The following TSHZ1 variants were observed in gnomAD, a reference collection of about 807,000 sequenced individuals.
The protein encoded by TSHZ1 is teashirt homolog 1.
Under a neutral mutation model 67.1 loss-of-function variants are expected in TSHZ1, and 12 were observed. The ratio of observed to expected loss-of-function variants is 0.18; its 90% CI spans 0.11 to 0.29. The LOEUF is 0.29. Ranked by LOEUF, TSHZ1 falls within the 10% of genes least tolerant of loss-of-function variation. TSHZ1 has a pLI of 1.00. For synonymous variants in TSHZ1, 632 were observed against 622.4 expected (o/e 1.02, Z -0.23); for missense variants, 1,305 against 1,413.9 (o/e 0.92, Z 1.23).
At chr18:75,241,110 A>G (rs2023150570) in intron 1 of TSHZ1, among the ~76,000 whole-genome samples, 1 of 152,282 alleles carries the variant, frequency 6.6e-6, no homozygotes, top group South Asian at 2.1e-4. Flanking sequence ...ATCATCAGTC[A>G]CAGGTATTTA....
intron 1 of TSHZ1, among the ~76,000 whole-genome samples, chr18:75,268,555 C>T (rs1055563290): frequency 6.6e-6 from 1 of 152,180 alleles, no homozygotes; most frequent in South Asian, 2.1e-4. Flanking sequence ...GCAGCTTCCC[C>T]GTGTCGGCTA....
At chr18:75,250,495 G>A (rs950835859) in intron 1 of TSHZ1, among the ~76,000 whole-genome samples, 1 of 152,206 alleles carries the variant, frequency 6.6e-6, no homozygotes, top group African/African-American at 2.4e-5. Context: ...TCCCCGCGTG[G>A]ACGTGGACGG....
chr18:75,288,176 G>T lies in TSHZ1; in HGVS notation c.2769G>T (p.Pro923=), dbSNP rs35073557. The T allele has an allele frequency of 1.2e-6, 2 of 1,614,042 alleles. No individual in the cohort carries two copies. Among genetic ancestry groups the T allele is most frequent in the East Asian group, 2.2e-5 (1 of 44,894 alleles). ...AGTACATCATGTCGGACTTGGGCCC[G>T]CAGGAGAGGGTGCACATCTCGAAGT... ...EGKYIMSDLG[P]QERVHISKFT... The change falls in exon 2 of 2, where the codon CCG becomes CCT. Residue 923 remains proline, a synonymous_variant. Transcript: ENST00000580243. The surrounding 1 kb of genome is among the most constrained non-coding windows in gnomAD (Gnocchi z 4.9).
rs2581653 is a variant in TSHZ1 at position 75,215,021 on chromosome 18, C to A, written c.40+3105C>A. 6.8e-3 allele frequency among the ~76,000 whole-genome samples: 1,028 copies of A among 152,062 alleles called. 12 individuals carry two copies. The highest frequency in any genetic ancestry group is 0.02 in the African/African-American group (849 of 41,456). On this transcript the variant is annotated intron_variant, in intron 1 of 1. Transcript: ENST00000580243. ...TTTGCTACCTGACTAATCATGTCAC[C>A]GAGACAATGCTGCTTAATGACCTCC...
At chr18:75,257,011 G>A (rs1409323376) in intron 1 of TSHZ1, among the ~76,000 whole-genome samples, 1 of 152,130 alleles carries the variant, frequency 6.6e-6, no homozygotes, top group Non-Finnish European at 1.5e-5. Context: ...TGTATTGCCT[G>A]TTTATCAAAA....
In TSHZ1 at chr18:75,211,837, C is replaced by G; in HGVS notation, c.-40C>G. On this transcript the variant is annotated 5_prime_UTR_variant, in exon 1 of 2. Coordinates refer to ENST00000580243, the MANE Select transcript of TSHZ1 (RefSeq NM_001308210.2). ...CCCGCGTCCCCGCGCCCCGCGAACT[C>G]CGGCGGCGGCTGAGGCGACGGCTGC... The G allele has an allele frequency of 8.9e-7, 1 of 1,129,524 alleles. No homozygotes were observed. The highest frequency in any genetic ancestry group is 4.6e-5 in the East Asian group (1 of 21,836). 70.0% of individuals were successfully genotyped at this position (1,129,524 alleles called of 1,614,324 possible). A position where few individuals can be genotyped will look rare whatever the true frequency, so the allele number is the denominator to read the frequency against.
At chr18:75,250,946 C>T (rs2023295605) in intron 1 of TSHZ1, among the ~76,000 whole-genome samples, 2 of 152,196 alleles carry the variant, frequency 1.3e-5, no homozygotes, top group South Asian at 4.1e-4. Context: ...TGTACCAGCC[C>T]CGGGCGTGTT....
intron 1 of TSHZ1, among the ~76,000 whole-genome samples, chr18:75,272,088 A>T (rs1318710992): frequency 6.6e-6 from 1 of 152,230 alleles, no homozygotes; most frequent in African/African-American, 2.4e-5. Flanking sequence ...ATGAAAATGA[A>T]CATTTCAATG....
At chr18:75,284,304 G>A (rs2023722925) in intron 1 of TSHZ1, 1 of 152,648 alleles carries the variant, frequency 6.6e-6, no homozygotes, top group African/African-American at 2.4e-5. Context: ...GGGAAACGCT[G>A]CCTTCAGCCC....
At chr18:75,240,635 T>C (rs532424757) in intron 1 of TSHZ1, among the ~76,000 whole-genome samples, 2 of 152,290 alleles carry the variant, frequency 1.3e-5, no homozygotes, top group South Asian at 4.1e-4. Flanking sequence ...AGTTCCTGTT[T>C]TGACATTGTG....
rs11877534 is a variant in TSHZ1, at chr18:75,280,273, T to G, written c.41-5175T>G. Among the ~76,000 whole-genome samples, 1,462 of 152,344 alleles carry G rather than the reference T, an allele frequency of 9.6e-3. 10 individuals carry two copies. The highest frequency in any genetic ancestry group is 0.024 in the Middle Eastern group (7 of 294). ...AAGGGACATCTTTGTGCATGAAGCT[T>G]TTTCTGCATTTCATATTAACTTCTT... is the stretch of plus-strand genomic sequence containing the variant. On this transcript the variant is annotated intron_variant, in intron 1 of 1. Coordinates refer to ENST00000580243, the MANE Select transcript of TSHZ1 (RefSeq NM_001308210.2).
Position 75,285,876 on chromosome 18 carries a change from A to ACCCCCCC in TSHZ1, c.474_475insCCCCCCC (p.Thr159ProfsTer63). Reference sequence around the variant, plus strand: ...CAGCCAGAAGGAGAGCTCCGCCCCCACCCCCACACCCCCCACCTGCCCCGT... The same window carrying ACCCCCCC: ...CAGCCAGAAGGAGAGCTCCGCCCCCACCCCCCCCCCCCACACCCCCCACCTGCCCCGT... On this transcript the variant is annotated frameshift_variant, in exon 2 of 2. Coordinates refer to ENST00000580243, the MANE Select transcript of TSHZ1 (RefSeq NM_001308210.2). LOFTEE classifies it high-confidence loss of function. 3 of 496,200 alleles carry ACCCCCCC rather than the reference A, an allele frequency of 6.0e-6. No homozygotes were observed. Among genetic ancestry groups the ACCCCCCC allele is most frequent in the Non-Finnish European group, 8.2e-6 (3 of 363,842 alleles). The allele number at this position is 496,200 out of a possible 1,614,324, so 30.7% of individuals were successfully genotyped here. A position where few individuals can be genotyped will look rare whatever the true frequency, so the allele number is the denominator to read the frequency against.
intron 1 of TSHZ1, among the ~76,000 whole-genome samples, chr18:75,229,702 G>A (rs1029914869): frequency 2.6e-5 from 4 of 152,248 alleles, no homozygotes; most frequent in Admixed American, 1.3e-4. Flanking sequence ...GATAGTAGGT[G>A]AAAGAAGAAA....
intron 1 of TSHZ1, among the ~76,000 whole-genome samples, chr18:75,235,193 G>A (rs1039130047): frequency 5.9e-5 from 9 of 152,112 alleles, no homozygotes; most frequent in African/African-American, 2.4e-5. Context: ...GAACCAAGGC[G>A]GGGATGTAAA....
At chr18:75,283,320 T>G (rs1421711503) in intron 1 of TSHZ1, 4 of 152,302 alleles carry the variant, frequency 2.6e-5, no homozygotes, top group Non-Finnish European at 1.5e-5. Flanking sequence ...GTGGGGTCCC[T>G]GGGTCCTAGC....
In TSHZ1 at chr18:75,286,502, T is replaced by A. The variant is rs111523784; in HGVS notation, c.1095T>A (p.Pro365=). The change falls in exon 2 of 2, where the codon CCT becomes CCA. Residue 365 remains proline, a synonymous_variant. Transcript: ENST00000580243. The surrounding 1 kb of genome is among the most constrained non-coding windows in gnomAD (Gnocchi z 5.1). ...AGGACCTGGCGCCCCCCTGCTCCCCTGAGCCAGCAGGAATGGCCGCAGAGG... is the reference window on the plus strand; with the variant it reads ...AGGACCTGGCGCCCCCCTGCTCCCCAGAGCCAGCAGGAATGGCCGCAGAGG... ...ALQDLAPPCS[P]EPAGMAAEVA... 9.9e-6 allele frequency: 16 copies of A among 1,614,058 alleles called. No homozygotes were observed. The highest frequency in any genetic ancestry group is 6.7e-5 in the African/African-American group (5 of 74,940).
intron 1 of TSHZ1, among the ~76,000 whole-genome samples, chr18:75,248,072 A>T (rs1277173534): frequency 6.6e-6 from 1 of 152,206 alleles, no homozygotes; most frequent in Non-Finnish European, 1.5e-5. Context: ...GGAACAATAG[A>T]AGCCATCTAG....
At chr18:75,264,484 A>ATTTTTT in intron 1 of TSHZ1, among the ~76,000 whole-genome samples, 1 of 146,548 alleles carries the variant, frequency 6.8e-6, no homozygotes, top group South Asian at 2.2e-4. Context: ...ACACTGACAG[A>ATTTTTT]TTTTTTTTTT....
chr18:75,238,638 T>G (rs2023113263), intron 1 of TSHZ1, among the ~76,000 whole-genome samples: 1 of 149,756 alleles, frequency 6.7e-6, no homozygotes, highest in Admixed American at 6.6e-5. Flanking sequence ...GGTTTAGTGC[T>G]GGGGGAGGAG....
Sources: allele counts gnomAD v4.1 joint callset (sites outside exome capture counted in the v4.1 genomes callset), GRCh38; gene constraint gnomAD v4.1.1; non-coding constraint Gnocchi (gnomAD v3.1); transcripts MANE v1.5; gene names NCBI Gene and HGNC (gene_info 2026-07-23, HGNC 2026-07-21).